ANKRD30B: variants seen among roughly 807,000 people sequenced by gnomAD.
The protein encoded by ANKRD30B is ankyrin repeat domain-containing protein 30B.
A neutral mutation model predicts 202.2 loss-of-function variants in ANKRD30B; 144 were observed. The observed-to-expected ratio is 0.71, with a 90% confidence interval of 0.62 to 0.82. ANKRD30B has a LOEUF of 0.82. Ranked by LOEUF, ANKRD30B falls within the 40% of genes least tolerant of loss-of-function variation. The pLI is 0.00. For missense variants in ANKRD30B, 1,487 were observed against 1,669.1 expected (o/e 0.89, Z 1.90); for synonymous variants, 508 against 561.3 (o/e 0.91, Z 1.34).
At chr18:14,816,981 G>T (rs1441867794) in intron 30 of ANKRD30B, 2 of 152,146 alleles carry the variant, frequency 1.3e-5, no homozygotes, top group Non-Finnish European at 2.9e-5. Context: ...AGGAGGGATA[G>T]CATTAGGAGA....
the ANKRD30B span, among the ~76,000 whole-genome samples, chr18:14,873,722 G>A: frequency 1.3e-5 from 2 of 152,038 alleles, no homozygotes; most frequent in African/African-American, 4.8e-5. Context: ...TGCTGATGGA[G>A]TTCTCAATAA....
At chr18:14,756,656 G>T (rs1914416645) in intron 4 of ANKRD30B, among the ~76,000 whole-genome samples, 1 of 152,352 alleles carries the variant, frequency 6.6e-6, no homozygotes, top group Admixed American at 6.5e-5. Context: ...CAGTTTGGGA[G>T]GCCAAGGTGG....
chr18:14,841,697 C>T (rs11873934), intron 37 of ANKRD30B, among the ~76,000 whole-genome samples: 1,756 of 152,168 alleles, frequency 0.012, 40 homozygotes, highest in African/African-American at 0.04. Context: ...GCATGAAATG[C>T]AGCAAGAAAG....
Position 14,782,543 on chromosome 18 carries a change from C to T in ANKRD30B, c.1499C>T (p.Ser500Phe). ...SWDSGSLFESSAKTQVCIPES... is the reference protein window; with the variant it reads ...SWDSGSLFESFAKTQVCIPES... The stretch of plus-strand genomic sequence containing the variant: ...TTTTAACAGAGTCTCTTTGAGAGTT[C>T]TGCAAAGACTCAAGTGTGTATACCT... The change falls in exon 12 of 44, where the codon TCT becomes TTT. Residue 500 changes from serine to phenylalanine, a missense_variant. Physicochemically the swap from Ser to Phe is radical, Grantham distance 155. Transcript: ENST00000690538. 6.3e-7 allele frequency: 1 copy of T among 1,585,806 alleles called. No individual in the cohort carries two copies.
intron 6 of ANKRD30B, among the ~76,000 whole-genome samples, chr18:14,762,993 A>G (rs1373343117): frequency 6.6e-6 from 1 of 152,104 alleles, no homozygotes; most frequent in Non-Finnish European, 1.5e-5. Flanking sequence ...TGTCCACTTA[A>G]CAAATAACTG....
At chr18:14,898,371 C>T in the ANKRD30B span, among the ~76,000 whole-genome samples, 1,551 of 152,104 alleles carry the variant, frequency 0.01, 14 homozygotes, top group Non-Finnish European at 0.017. Flanking sequence ...AGCGCAAAAC[C>T]TAGATCCCTG....
At chr18:14,923,001 T>A in the ANKRD30B span, among the ~76,000 whole-genome samples, 1 of 152,050 alleles carries the variant, frequency 6.6e-6, no homozygotes, top group Non-Finnish European at 1.5e-5. Context: ...TCTAGACACA[T>A]CCTGGGCCAG....
downstream of ANKRD30B, among the ~76,000 whole-genome samples, chr18:14,858,087 C>G (rs1490264973): frequency 1.0e-5 from 1 of 100,320 alleles, no homozygotes; most frequent in South Asian, 2.8e-4. Context: ...GGGCGGCCAG[C>G]CAGAGGAACT....
At chr18:14,783,321 C>T (rs138767530) in intron 12 of ANKRD30B, among the ~76,000 whole-genome samples, 27 of 152,182 alleles carry the variant, frequency 1.8e-4, no homozygotes, top group African/African-American at 5.5e-4. Context: ...AGTTCTCAGG[C>T]GATGCTGATG....
At chr18:14,904,990 G>A in the ANKRD30B span, among the ~76,000 whole-genome samples, 1 of 152,194 alleles carries the variant, frequency 6.6e-6, no homozygotes, top group Admixed American at 6.5e-5. Context: ...TGATAACACA[G>A]GTTGCAGTAG....
At chr18:14,842,857 A>G in intron 37 of ANKRD30B, 40 bp from the exon 38 acceptor site, 10 of 1,542,150 alleles carry the variant, frequency 6.5e-6, no homozygotes, top group Non-Finnish European at 7.9e-6. Context: ...GTTTTGTCAT[A>G]TTTACTTATG....
the ANKRD30B span, among the ~76,000 whole-genome samples, chr18:14,871,822 G>T: frequency 5.3e-5 from 8 of 152,148 alleles, no homozygotes; most frequent in Non-Finnish European, 1.0e-4. Flanking sequence ...CCTAGGAGTT[G>T]TCAATAGAAA....
At chr18:14,778,241 T>C (rs1967505663) in intron 10 of ANKRD30B, among the ~76,000 whole-genome samples, 166 bp downstream of exon 10, 1 of 152,106 alleles carries the variant, frequency 6.6e-6, no homozygotes, top group South Asian at 2.1e-4. Context: ...CAACAGATTA[T>C]ATTGAGAGTG....
At chr18:14,915,028 A>C in the ANKRD30B span, among the ~76,000 whole-genome samples, 1 of 152,202 alleles carries the variant, frequency 6.6e-6, no homozygotes, top group Non-Finnish European at 1.5e-5. Flanking sequence ...TAGCATGGTC[A>C]GGTAGAGAAG....
the ANKRD30B span, among the ~76,000 whole-genome samples, chr18:14,903,994 G>T: frequency 2.6e-5 from 4 of 152,156 alleles, no homozygotes; most frequent in African/African-American, 9.7e-5. Flanking sequence ...TTATAAAGAA[G>T]GGCTGTCCAA....
At chr18:14,777,774 T>C (rs560032415) in intron 9 of ANKRD30B, among the ~76,000 whole-genome samples, 1 of 151,718 alleles carries the variant, frequency 6.6e-6, no homozygotes, top group East Asian at 2.0e-4. Flanking sequence ...AAACGCCATC[T>C]CTCCTAAAAA....
chr18:14,835,768 CAG>C (rs576062444), intron 34 of ANKRD30B, among the ~76,000 whole-genome samples: 181 of 151,934 alleles, frequency 1.2e-3, no homozygotes, highest in African/African-American at 4.0e-3. Context: ...AATTTTAAAA[CAG>C]AGTTTCACAT....
At chr18:14,880,833 T>A in the ANKRD30B span, among the ~76,000 whole-genome samples, 1 of 152,224 alleles carries the variant, frequency 6.6e-6, no homozygotes, top group East Asian at 1.9e-4. Flanking sequence ...TATTTTTGTT[T>A]GTTTTTTGCA....
At chr18:14,904,458 T>A in the ANKRD30B span, among the ~76,000 whole-genome samples, 1,683 of 152,222 alleles carry the variant, frequency 0.011, 36 homozygotes, top group African/African-American at 0.039. Context: ...GCACACAGGA[T>A]CTGAACTTCT....
Sources: allele counts gnomAD v4.1 joint callset (sites outside exome capture counted in the v4.1 genomes callset), GRCh38; gene constraint gnomAD v4.1.1; transcripts MANE v1.5; gene names NCBI Gene and HGNC (gene_info 2026-07-23, HGNC 2026-07-21).